The following PTPRO variants were observed in gnomAD, a reference collection of about 807,000 sequenced individuals.
PTPRO encodes the protein protein tyrosine phosphatase receptor type O, also known as receptor-type tyrosine-protein phosphatase O.
A neutral mutation model predicts 145.2 loss-of-function variants in PTPRO; 62 were observed. The ratio of observed to expected loss-of-function variants is 0.43; its 90% CI spans 0.35 to 0.53. The LOEUF (loss-of-function observed/expected upper bound fraction) is 0.53, where lower values mean the gene tolerates loss of function less well. Ranked by LOEUF, PTPRO falls within the 20% of genes least tolerant of loss-of-function variation. The pLI, the probability that PTPRO is intolerant of heterozygous loss-of-function variation, is 0.01. For missense variants in PTPRO, 1,345 were observed against 1,482.7 expected, an observed-to-expected ratio of 0.91 and a Z score of 1.53; for synonymous variants, 565 against 514.7, an observed-to-expected ratio of 1.10 and a Z score of -1.32.
At chr12:15,500,360 A>C (rs1311911401) in intron 4 of PTPRO, among the ~76,000 whole-genome samples, 1 of 152,202 alleles carries the variant, frequency 6.6e-6, no homozygotes, top group Non-Finnish European at 1.5e-5. Context: ...CTAAATCACT[A>C]ATTCACCTAA....
chr12:15,450,139 C>T (rs754065744), intron 1 of PTPRO, among the ~76,000 whole-genome samples: 1 of 151,518 alleles, frequency 6.6e-6, no homozygotes, highest in Non-Finnish European at 1.5e-5. Flanking sequence ...AGCGATGCTG[C>T]ATTTTTAACT....
At chr12:15,443,013 C>G (rs535824968) in intron 1 of PTPRO, among the ~76,000 whole-genome samples, 14 of 152,110 alleles carry the variant, frequency 9.2e-5, no homozygotes, top group Non-Finnish European at 2.1e-4. Context: ...CCCAAATAGT[C>G]TAAGCAATCC....
chr12:15,380,095 A>G (rs1230982755), intron 1 of PTPRO, among the ~76,000 whole-genome samples: 4 of 152,144 alleles, frequency 2.6e-5, no homozygotes, highest in Admixed American at 2.6e-4. Flanking sequence ...CATATCACCT[A>G]ATAATCACTT....
intron 7 of PTPRO, among the ~76,000 whole-genome samples, 162 bp downstream of exon 7, chr12:15,508,929 A>G (rs1942378456): frequency 6.6e-6 from 1 of 152,210 alleles, no homozygotes; most frequent in Admixed American, 6.5e-5. Context: ...ATGACTGGCA[A>G]TGGCTTTTTG....
intron 15 of PTPRO, among the ~76,000 whole-genome samples, chr12:15,553,532 T>C (rs924756194): frequency 5.3e-5 from 8 of 152,060 alleles, no homozygotes; most frequent in African/African-American, 1.9e-4. Context: ...ATGTTCAAAG[T>C]GTAGCAGAGG....
intron 1 of PTPRO, among the ~76,000 whole-genome samples, chr12:15,382,248 C>A (rs1423067255): frequency 6.6e-6 from 1 of 151,858 alleles, no homozygotes; most frequent in Non-Finnish European, 1.5e-5. Context: ...ACATTTTTGA[C>A]AATCTTAAGC....
intron 9 of PTPRO, among the ~76,000 whole-genome samples, chr12:15,518,059 C>G (rs534223222): frequency 2.0e-5 from 3 of 152,358 alleles, no homozygotes; most frequent in African/African-American, 7.2e-5. Context: ...GGTCCCTGCC[C>G]TGCTGCAGCA....
chr12:15,351,524 C>T (rs567651919), intron 1 of PTPRO, among the ~76,000 whole-genome samples: 1 of 152,248 alleles, frequency 6.6e-6, no homozygotes, highest in South Asian at 2.1e-4. Context: ...AACAGACTCT[C>T]CTTCCGAGGT....
intron 1 of PTPRO, among the ~76,000 whole-genome samples, chr12:15,370,262 T>C (rs533515823): frequency 1.3e-5 from 2 of 152,232 alleles, no homozygotes; most frequent in East Asian, 3.9e-4. Flanking sequence ...ATTCTTAAAA[T>C]CCCAGCCTCC....
chr12:15,371,389 G>A (rs1938526479), intron 1 of PTPRO, among the ~76,000 whole-genome samples: 2 of 151,972 alleles, frequency 1.3e-5, no homozygotes, highest in Admixed American at 6.6e-5. Flanking sequence ...CCGCCACCAC[G>A]CCAGGCTAAT....
intron 1 of PTPRO, among the ~76,000 whole-genome samples, chr12:15,468,206 T>C (rs898523795): frequency 3.3e-5 from 5 of 152,176 alleles, no homozygotes; most frequent in Non-Finnish European, 5.9e-5. Flanking sequence ...TACCAAGTAT[T>C]TTTCCAATAA....
At chr12:15,435,743 T>C (rs1280172899) in intron 1 of PTPRO, among the ~76,000 whole-genome samples, 1 of 152,154 alleles carries the variant, frequency 6.6e-6, no homozygotes. Context: ...AACCAGGACT[T>C]AGTGAGAAAT....
chr12:15,384,100 T>C (rs1379736756), intron 1 of PTPRO, among the ~76,000 whole-genome samples: 3 of 152,090 alleles, frequency 2.0e-5, no homozygotes, highest in Non-Finnish European at 2.9e-5. Context: ...TAGGAGAGTA[T>C]AATAAGGCAT....
At chr12:15,394,145 G>A (rs967788369) in intron 1 of PTPRO, among the ~76,000 whole-genome samples, 5 of 152,018 alleles carry the variant, frequency 3.3e-5, no homozygotes, top group African/African-American at 1.2e-4. Context: ...CTGTTACATT[G>A]GAGATTATGT....
intron 16 of PTPRO, among the ~76,000 whole-genome samples, chr12:15,559,252 C>G (rs1331585805): frequency 2.6e-5 from 4 of 152,172 alleles, no homozygotes; most frequent in African/African-American, 4.8e-5. Flanking sequence ...TCTATAAAAT[C>G]AAGCACATTT....
chr12:15,515,087 G>C (rs1942548321), intron 7 of PTPRO, among the ~76,000 whole-genome samples: 1 of 151,994 alleles, frequency 6.6e-6, no homozygotes, highest in Non-Finnish European at 1.5e-5. Context: ...TCTATAATTA[G>C]ATATTATATG....
chr12:15,502,160 A>C, intron 5 of PTPRO, 97 bp downstream of exon 5: 1 of 1,200,798 alleles, frequency 8.3e-7, no homozygotes. Context: ...GATCATAGAC[A>C]GTTATTAGTC....
chr12:15,407,763 G>A (rs1267575697), intron 1 of PTPRO, among the ~76,000 whole-genome samples: 2 of 152,130 alleles, frequency 1.3e-5, no homozygotes, highest in African/African-American at 4.8e-5. Context: ...ATGAAAACTA[G>A]AAAGGAAAAG....
At chr12:15,519,777 G>T (rs1465708488) in intron 9 of PTPRO, among the ~76,000 whole-genome samples, 1 of 152,174 alleles carries the variant, frequency 6.6e-6, no homozygotes, top group African/African-American at 2.4e-5. Flanking sequence ...TATTCACAAA[G>T]TACACAATTA....
Sources: allele counts gnomAD v4.1 joint callset (sites outside exome capture counted in the v4.1 genomes callset), GRCh38; gene constraint gnomAD v4.1.1; transcripts MANE v1.5; gene names NCBI Gene and HGNC (gene_info 2026-07-23, HGNC 2026-07-21).